Variants in DKK2 observed in about 807,000 individuals in gnomAD.
The protein encoded by DKK2 is dickkopf-related protein 2.
Under a neutral mutation model 28.1 loss-of-function variants are expected in DKK2, and 11 were observed. The observed-to-expected ratio is 0.39, with a 90% confidence interval of 0.25 to 0.65. The LOEUF (loss-of-function observed/expected upper bound fraction) is 0.65. Among genes scored for constraint, DKK2 ranks in the 30% least tolerant of loss-of-function variants. The pLI is 0.47. For missense variants in DKK2, 326 were observed against 335.5 expected (o/e 0.97, Z 0.22); for synonymous variants, 135 against 126.5 (o/e 1.07, Z -0.45).
At chr4:106,983,006 AAGAG>A (rs1405764853) in intron 1 of DKK2, among the ~76,000 whole-genome samples, 3 of 151,186 alleles carry the variant, frequency 2.0e-5, no homozygotes, top group Non-Finnish European at 2.9e-5. Flanking sequence ...AGAAAAGAAA[AAGAG>A]AGAAAGGAAG....
chr4:106,968,583 T>C (rs1426450303), intron 1 of DKK2, among the ~76,000 whole-genome samples: 1 of 150,144 alleles, frequency 6.7e-6, no homozygotes, highest in Non-Finnish European at 1.5e-5. Context: ...CTTTATATAT[T>C]CTTAAAATTA....
At chr4:107,035,323 G>T in intron 1 of DKK2, 47 bp downstream of exon 1, 5 of 1,599,778 alleles carry the variant, frequency 3.1e-6, no homozygotes, top group Non-Finnish European at 4.3e-6. Flanking sequence ...CAAGAGAGCT[G>T]GCCCCTGCCT....
intron 1 of DKK2, among the ~76,000 whole-genome samples, chr4:106,982,711 G>C (rs998383995): frequency 1.3e-5 from 2 of 152,076 alleles, no homozygotes; most frequent in African/African-American, 4.8e-5. Context: ...AAATACTGTA[G>C]GTTATGTAAA....
At chr4:106,994,356 T>C (rs973037590) in intron 1 of DKK2, among the ~76,000 whole-genome samples, 3 of 152,146 alleles carry the variant, frequency 2.0e-5, no homozygotes, top group East Asian at 1.9e-4. Flanking sequence ...AGTTCACTTA[T>C]ACAATTTTGG....
chr4:107,012,700 A>G (rs1191364461), intron 1 of DKK2, among the ~76,000 whole-genome samples: 1 of 151,248 alleles, frequency 6.6e-6, no homozygotes, highest in African/African-American at 2.4e-5. Context: ...CTAAGGTCCA[A>G]GTTCTACTTT....
intron 1 of DKK2, among the ~76,000 whole-genome samples, chr4:107,033,880 G>C (rs1054186993): frequency 3.3e-5 from 5 of 152,154 alleles, no homozygotes; most frequent in African/African-American, 1.2e-4. Flanking sequence ...GAGAGAAAAA[G>C]CGAAGGAAAG....
chr4:106,935,567 T>A (rs1202256582), intron 1 of DKK2, among the ~76,000 whole-genome samples: 1 of 152,176 alleles, frequency 6.6e-6, no homozygotes, highest in Non-Finnish European at 1.5e-5. Flanking sequence ...CCAGGCTTGC[T>A]TAGATAACCA....
At chr4:106,969,201 C>T (rs942817647) in intron 1 of DKK2, among the ~76,000 whole-genome samples, 3 of 151,658 alleles carry the variant, frequency 2.0e-5, no homozygotes, top group Non-Finnish European at 2.9e-5. Context: ...TGCTTTTGCT[C>T]AAACTTCTCG....
At chr4:107,010,733 C>G (rs1723505061) in intron 1 of DKK2, among the ~76,000 whole-genome samples, 1 of 151,416 alleles carries the variant, frequency 6.6e-6, no homozygotes, top group African/African-American at 2.4e-5. Context: ...GGAAATTGTT[C>G]TCAAGCTATT....
chr4:106,998,290 T>A (rs1212411990), intron 1 of DKK2, among the ~76,000 whole-genome samples: 2 of 152,232 alleles, frequency 1.3e-5, no homozygotes, highest in Admixed American at 1.3e-4. Context: ...TAGCTCTCAA[T>A]CTGGCCCCAA....
chr4:106,944,240 C>A (rs1264166654), intron 1 of DKK2, among the ~76,000 whole-genome samples: 1 of 151,918 alleles, frequency 6.6e-6, no homozygotes, highest in Non-Finnish European at 1.5e-5. Flanking sequence ...ATGTCACCAC[C>A]CAAACATTTA....
chr4:107,017,015 C>T lies in DKK2; in HGVS notation c.222+18355G>A, dbSNP rs760921643. ...GAAGACCATTAAGTCACAAAAGGAGCGACTAGAGATGGTGAGGACGAAATG... is the reference window on the plus strand; with the variant it reads ...GAAGACCATTAAGTCACAAAAGGAGTGACTAGAGATGGTGAGGACGAAATG... On this transcript the variant is annotated intron_variant, in intron 1 of 3. Transcript: ENST00000285311. 1.8e-4 allele frequency among the ~76,000 whole-genome samples: 28 copies of T among 151,958 alleles called. 1 individual carries two copies. The highest frequency in any genetic ancestry group is 5.9e-4 in the Admixed American group (9 of 15,232).
At chr4:106,959,702 A>T (rs372968283) in intron 1 of DKK2, among the ~76,000 whole-genome samples, 2 of 152,176 alleles carry the variant, frequency 1.3e-5, no homozygotes, top group South Asian at 4.1e-4. Flanking sequence ...GAAAAAAATT[A>T]TAATTAGCAA....
intron 1 of DKK2, among the ~76,000 whole-genome samples, chr4:107,028,138 T>C (rs1185167567): frequency 6.6e-6 from 1 of 151,528 alleles, no homozygotes; most frequent in Non-Finnish European, 1.5e-5. Flanking sequence ...GCCAGCTTGC[T>C]TATTTTCTGC....
chr4:106,935,871 G>A (rs539794528), intron 1 of DKK2, among the ~76,000 whole-genome samples: 20 of 152,160 alleles, frequency 1.3e-4, no homozygotes, highest in African/African-American at 3.9e-4. Context: ...CACCTCACAC[G>A]GCAGGGTATT....
chr4:106,983,100 A>C (rs1465553734), intron 1 of DKK2, among the ~76,000 whole-genome samples: 1 of 151,746 alleles, frequency 6.6e-6, no homozygotes, highest in Non-Finnish European at 1.5e-5. Context: ...AAATTTCTAA[A>C]TTTTTAGAAA....
intron 1 of DKK2, among the ~76,000 whole-genome samples, chr4:107,021,734 A>G (rs1045104940): frequency 6.6e-6 from 1 of 152,142 alleles, no homozygotes; most frequent in Non-Finnish European, 1.5e-5. Flanking sequence ...TTCTCAGGGA[A>G]CAGTGAGTCA....
chr4:106,980,074 A>G lies in DKK2; in HGVS notation c.223-54125T>C, dbSNP rs185796280. Among the ~76,000 whole-genome samples, 329 of 152,346 alleles carry G rather than the reference A, an allele frequency of 2.2e-3. 1 individual carries two copies. The highest frequency in any genetic ancestry group is 3.8e-3 in the Non-Finnish European group (258 of 68,026). ...TTACTGAAAACTTCTCTCAAATGGT[A>G]TGCTAGAAGAGCTCTGAAATAAAGT... is the stretch of plus-strand genomic sequence containing the variant. On this transcript the variant is annotated intron_variant, in intron 1 of 3. Coordinates refer to ENST00000285311, the MANE Select transcript of DKK2 (RefSeq NM_014421.3).
chr4:106,968,986 G>T (rs1356196404), intron 1 of DKK2, among the ~76,000 whole-genome samples: 1 of 152,042 alleles, frequency 6.6e-6, no homozygotes, highest in African/African-American at 2.4e-5. Context: ...CAATTTATAG[G>T]CATGCGGAAA....
Sources: allele counts gnomAD v4.1 joint callset (sites outside exome capture counted in the v4.1 genomes callset), GRCh38; gene constraint gnomAD v4.1.1; transcripts MANE v1.5; gene names NCBI Gene and HGNC (gene_info 2026-07-23, HGNC 2026-07-21).